The following MLLT6 variants were observed in gnomAD, a reference collection of about 807,000 sequenced individuals.
MLLT6 encodes MLLT6, PHD finger containing.
A neutral mutation model predicts 103.0 loss-of-function variants in MLLT6; 22 were observed. That is an observed-to-expected ratio of 0.21 (90% CI 0.15 to 0.31). The LOEUF (loss-of-function observed/expected upper bound fraction) is 0.31, where lower values mean the gene tolerates loss of function less well. Among genes scored for constraint, MLLT6 ranks in the 10% least tolerant of loss-of-function variants. MLLT6 has a pLI of 1.00. For missense variants in MLLT6, 1,199 were observed against 1,441.7 expected (o/e 0.83, Z 2.73); for synonymous variants, 606 against 623.5 (o/e 0.97, Z 0.42).
At chr17:38,718,017 G>A in intron 12 of MLLT6, 64 bp downstream of exon 12, 1 of 1,144,348 alleles carries the variant, frequency 8.7e-7, no homozygotes, top group Non-Finnish European at 1.3e-6. Context: ...TCACCTGCAT[G>A]TGACCCCAGA....
intron 16 of MLLT6, among the ~76,000 whole-genome samples, chr17:38,721,480 G>A (rs1156809073): frequency 1.3e-5 from 2 of 152,214 alleles, no homozygotes; most frequent in Non-Finnish European, 2.9e-5. Context: ...CATAGGATTT[G>A]AACCTGAGCC....
chr17:38,723,888 G>A (rs557531854), intron 18 of MLLT6, among the ~76,000 whole-genome samples: 2 of 151,788 alleles, frequency 1.3e-5, no homozygotes, highest in African/African-American at 4.8e-5. Flanking sequence ...GATTACAGGT[G>A]CATGCCACCA....
At chr17:38,715,560 C>T in intron 8 of MLLT6, 52 bp from the exon 9 acceptor site, 1 of 1,545,404 alleles carries the variant, frequency 6.5e-7, no homozygotes, top group Non-Finnish European at 8.7e-7. Flanking sequence ...ACATCAGGAT[C>T]AGCACAGGCC....
intron 19 of MLLT6, 132 bp from the exon 20 acceptor site, chr17:38,725,425 C>A: frequency 1.2e-6 from 1 of 811,306 alleles, no homozygotes; most frequent in Non-Finnish European, 2.0e-6. Context: ...CCCCTCAGAG[C>A]CCAGGCCAGA....
rs923831340 is a variant in MLLT6, at chr17:38,719,500, C to G, written c.1943-17C>G. ...TACCACTCCTCCACGCTGATCCCAG[C>G]CTTCCCTTCTTCCAAGAGCCAGACC... On this transcript the variant is annotated splice_polypyrimidine_tract_variant and intron_variant, in intron 12 of 19. Coordinates refer to ENST00000621332, the MANE Select transcript of MLLT6 (RefSeq NM_005937.4). The G allele has an allele frequency of 6.2e-7, 1 of 1,601,774 alleles. No homozygotes were observed. The highest frequency in any genetic ancestry group is 1.1e-5 in the South Asian group (1 of 88,392).
intron 4 of MLLT6, chr17:38,708,207 C>T (rs1905012134): frequency 2.9e-6 from 1 of 343,870 alleles, no homozygotes; most frequent in African/African-American, 2.1e-5. Context: ...CGGTGCTGAT[C>T]AAGACAGGTG....
intron 19 of MLLT6, 72 bp from the exon 20 acceptor site, chr17:38,725,485 G>A: frequency 7.1e-7 from 1 of 1,416,992 alleles, no homozygotes; most frequent in African/African-American, 1.4e-5. Context: ...TCTTGGCCTA[G>A]GAAGCTGTTC....
In MLLT6 at chr17:38,705,449, AGGAGGAGGAGGAGGAGGACGC is replaced by A. The variant is rs1279799049; in HGVS notation, c.-171_-151del. ...GGGGGGCGGCCAGACAGAGCGAGCG[AGGAGGAGGAGGAGGAGGACGC>A]GGAGGAGGAGGAAGGAGGAGGCAAA... On this transcript the variant is annotated 5_prime_UTR_variant, in exon 1 of 20. Transcript: ENST00000621332. 2 of 241,152 alleles carry A rather than the reference AGGAGGAGGAGGAGGAGGACGC, an allele frequency of 8.3e-6. No individual in the cohort carries two copies. The highest frequency in any genetic ancestry group is 5.7e-5 in the Admixed American group (1 of 17,588). 14.9% of individuals were successfully genotyped at this position (241,152 alleles called of 1,614,324 possible).
At position 38,716,582 on chromosome 17, in the gene MLLT6, C is replaced by T. The variant is rs774325820; in HGVS notation, c.1252C>T (p.Arg418Trp). The T allele has an allele frequency of 1.9e-5, 30 of 1,613,928 alleles. No homozygotes were observed. Among genetic ancestry groups the T allele is most frequent in the African/African-American group, 9.3e-5 (7 of 74,938 alleles). The change falls in exon 10 of 20, where the codon CGG becomes TGG. Residue 418 changes from arginine (R) to tryptophan (W), a missense_variant. This residue lies in a region of MLLT6 where 1,034 missense variants were observed against 1,091.5 expected (regional missense o/e 0.95). Coordinates refer to ENST00000621332, the MANE Select transcript of MLLT6 (RefSeq NM_005937.4). The surrounding 1 kb of genome is among the most constrained non-coding windows in gnomAD (Gnocchi z 5.6). ...RFSTTTSSSG[R>W]ARAPSPGDYK... ...CTCCACCACCACCTCCAGCTCAGGC[C>T]GGGCCCGGGCGCCCTCCCCTGGGGA...
At position 38,726,377 on chromosome 17, in the gene MLLT6, G is replaced by T. The variant is rs1207049958; in HGVS notation, c.*779G>T. 2 of 224,952 alleles carry T rather than the reference G, an allele frequency of 8.9e-6. No individual in the cohort carries two copies. The highest frequency in any genetic ancestry group is 1.8e-5 in the Non-Finnish European group (2 of 113,988). 13.9% of individuals were successfully genotyped at this position (224,952 alleles called of 1,614,324 possible). ...TGAGTGTGTGTGTGCGTGCATGTGT[G>T]TGTGTGTGTGTGTGTGTGTGTGTGT... On this transcript the variant is annotated 3_prime_UTR_variant, in exon 20 of 20. Transcript: ENST00000621332.
chr17:38,709,595 G>A lies in MLLT6; in HGVS notation c.552+20G>A, dbSNP rs371590988. 16 of 1,582,134 alleles carry A rather than the reference G, an allele frequency of 1.0e-5. No homozygotes were observed. The highest frequency in any genetic ancestry group is 2.2e-5 in the East Asian group (1 of 44,744). On this transcript the variant is annotated intron_variant, in intron 6 of 19. Transcript: ENST00000621332. The surrounding 1 kb of genome is among the most constrained non-coding windows in gnomAD (Gnocchi z 4.3). ...AAGATGGTGAGTCCTGGCGACCAGC[G>A]CATGAGCGGGTCAGTCAGCTGTGGT...
At chr17:38,717,003 A>C (rs1038316937) in intron 10 of MLLT6, 22 bp downstream of exon 10, 11 of 1,610,314 alleles carry the variant, frequency 6.8e-6, no homozygotes, top group Non-Finnish European at 9.3e-6. Flanking sequence ...CTGGGGACAG[A>C]GGGCATTTCA....
In MLLT6 at chr17:38,729,203, T is replaced by G; in HGVS notation, c.*3605T>G. 1 of 233,328 alleles carries G rather than the reference T, an allele frequency of 4.3e-6. No individual in the cohort carries two copies. The allele number at this position is 233,328 out of a possible 1,614,324, so 14.5% of individuals were successfully genotyped here. On this transcript the variant is annotated 3_prime_UTR_variant, in exon 20 of 20. Coordinates refer to ENST00000621332, the MANE Select transcript of MLLT6 (RefSeq NM_005937.4). ...CCAGCTTCTAGGATCTTCCTTGGTG[T>G]GCAATGGGCCAGTTAGGGGTAGGCA...
intron 4 of MLLT6, chr17:38,708,168 C>A (rs573403632): frequency 2.9e-5 from 13 of 445,118 alleles, no homozygotes; most frequent in Non-Finnish European, 4.9e-5. Flanking sequence ...TGTGCCAGAC[C>A]TGGTGCAAGG....
Position 38,722,049 on chromosome 17 carries a change from G to T in MLLT6, c.2614G>T (p.Ala872Ser). ...PQNGLGRAPG[A>S]AGLGAMPMAE... Reference sequence around the variant, plus strand: ...GAACGGGTTGGGCCGGGCACCCGGGGCAGCGGGGCTGGGGGCCATGCCCAT... The same window carrying T: ...GAACGGGTTGGGCCGGGCACCCGGGTCAGCGGGGCTGGGGGCCATGCCCAT... The change falls in exon 17 of 20, where the codon GCA becomes TCA. Residue 872 changes from alanine (A) to serine (S), a missense_variant. By Grantham distance (99) the Ala-to-Ser change is moderately conservative. Coordinates refer to ENST00000621332, the MANE Select transcript of MLLT6 (RefSeq NM_005937.4). 1 of 1,408,452 alleles carries T rather than the reference G, an allele frequency of 7.1e-7. No individual in the cohort carries two copies. The allele number at this position is 1,408,452 out of a possible 1,614,324, so 87.2% of individuals were successfully genotyped here.
intron 1 of MLLT6, chr17:38,706,349 TCTCCCGCCTGCCTGG>T (rs1904925451): frequency 6.6e-6 from 1 of 152,194 alleles, no homozygotes; most frequent in East Asian, 1.9e-4. Flanking sequence ...CAGGCTGGCA[TCTCCCGCCTGCCTGG>T]CACAGGCAGC....
At chr17:38,725,496 T>C (rs1197999061) in intron 19 of MLLT6, 61 bp from the exon 20 acceptor site, 2 of 1,499,930 alleles carry the variant, frequency 1.3e-6, no homozygotes, top group South Asian at 1.2e-5. Flanking sequence ...GAAGCTGTTC[T>C]TATCTGGGGG....
At chr17:38,725,096 A>G (rs1035596341) in intron 19 of MLLT6, 120 bp downstream of exon 19, 3 of 723,786 alleles carry the variant, frequency 4.1e-6, no homozygotes, top group Admixed American at 3.1e-5. Context: ...TAGGTCAGCA[A>G]AGTACCCTGC....
At chr17:38,706,788 G>A (rs1904944492) in intron 1 of MLLT6, 162 bp from the exon 2 acceptor site, 1 of 501,642 alleles carries the variant, frequency 2.0e-6, no homozygotes, top group East Asian at 3.3e-5. Context: ...GTGTTGGGCG[G>A]TTGGGCAGTC....
Sources: gnomAD v4.1 joint callset for allele counts (sites outside exome capture counted in the v4.1 genomes callset) on GRCh38, gnomAD v4.1.1 for gene constraint, gnomAD v4.1.1 regional missense constraint, Gnocchi (gnomAD v3.1) non-coding constraint, MANE v1.5 for transcripts, NCBI Gene and HGNC (gene_info 2026-07-23, HGNC 2026-07-21) for gene names.